Variants in NR1D1 observed in about 807,000 individuals in gnomAD.
The protein encoded by NR1D1 is nuclear receptor subfamily 1 group D member 1, also known as Rev-ErbAalpha.
A neutral mutation model predicts 51.1 loss-of-function variants in NR1D1; 17 were observed. The observed-to-expected ratio is 0.33, with a 90% CI of 0.23 to 0.50. The LOEUF (loss-of-function observed/expected upper bound fraction) is 0.50. Ranked by LOEUF, NR1D1 falls within the 20% of genes least tolerant of loss-of-function variation. The pLI is 0.98. For synonymous variants in NR1D1, 341 were observed against 333.4 expected, an observed-to-expected ratio of 1.02 and a Z score of -0.25; for missense variants, 647 against 830.4, an observed-to-expected ratio of 0.78 and a Z score of 2.71.
intron 1 of NR1D1, among the ~76,000 whole-genome samples, chr17:40,098,444 C>T (rs1440858983): frequency 1.3e-5 from 2 of 152,178 alleles, no homozygotes; most frequent in Non-Finnish European, 2.9e-5. Context: ...AATAGTTGCA[C>T]AACAGATCAG....
rs543106376 is a variant in NR1D1 at position 40,096,966 on chromosome 17, C to T, written c.370+99G>A. The T allele has an allele frequency of 3.0e-6, 4 of 1,311,876 alleles. No homozygotes were observed. In the South Asian group the frequency reaches 5.4e-5, roughly 18 times the overall value. 81.3% of individuals were successfully genotyped at this position (1,311,876 alleles called of 1,614,324 possible). ...CCACTCTAGGAGAAATCCCTGAAGC[C>T]AGAATAGGTCCTGGCAAGACTGGTG... is the stretch of plus-strand genomic sequence containing the variant. On this transcript the variant is annotated intron_variant, in intron 2 of 7. Coordinates refer to ENST00000246672, the MANE Select transcript of NR1D1 (RefSeq NM_021724.5).
At position 40,100,381 on chromosome 17, in the gene NR1D1, G is replaced by C. The variant is rs533405168; in HGVS notation, c.-287C>G. The C allele has an allele frequency of 1.7e-6, 1 of 582,476 alleles. No individual in the cohort carries two copies. The highest frequency in any genetic ancestry group is 2.1e-5 in the South Asian group (1 of 48,200). The allele number at this position is 582,476 out of a possible 1,614,324, so 36.1% of individuals were successfully genotyped here. A position where few individuals can be genotyped will look rare whatever the true frequency, so the allele number is the denominator to read the frequency against. Reference sequence around the variant, plus strand: ...TTCTGGCTAGAAGGTAGCAAGGAGGGTCGGGTCTCTGCAGTGTACGGGGTG... The same window carrying C: ...TTCTGGCTAGAAGGTAGCAAGGAGGCTCGGGTCTCTGCAGTGTACGGGGTG... On this transcript the variant is annotated 5_prime_UTR_variant, in exon 1 of 8. Transcript: ENST00000246672.
rs1987729270 is a variant in NR1D1 at position 40,095,295 on chromosome 17, G to C, written c.1248+149C>G. On this transcript the variant is annotated intron_variant, in intron 5 of 7. Transcript: ENST00000246672. ...GGTGGAGATTAGGGATTCCCAGGCA[G>C]AGTCCAGACTGCAAGGCAAGACATT... The C allele has an allele frequency of 7.6e-6, 9 of 1,179,660 alleles. No individual in the cohort carries two copies. In the South Asian group the frequency reaches 1.3e-4, roughly 17 times the overall value. 73.1% of individuals were successfully genotyped at this position (1,179,660 alleles called of 1,614,324 possible).
Position 40,095,971 on chromosome 17 carries a change from G to C in NR1D1, c.721C>G (p.Pro241Ala), listed in dbSNP as rs1231785117. The change falls in exon 5 of 8, where the codon CCC (proline) becomes GCC (alanine). Residue 241 changes from proline to alanine, a missense_variant. By Grantham distance (27) the Pro-to-Ala change is conservative (BLOSUM62 -1). Around this residue, in one of 7 missense-constraint regions of NR1D1, gnomAD observed 48 missense variants for 42.9 expected, o/e 1.12. Coordinates refer to ENST00000246672, the MANE Select transcript of NR1D1 (RefSeq NM_021724.5). ...GGGCCTGGGGTGGGGTGCTGGGTGG[G>C]TGAAGTCTCCAGCGGGCACTGGCTG... ...LSSQCPLETS[P>A]TQHPTPGPMG... 6.2e-7 allele frequency: 1 copy of C among 1,612,428 alleles called. No individual in the cohort carries two copies. The highest frequency in any genetic ancestry group is 1.7e-5 in the Admixed American group (1 of 59,976).
At chr17:40,098,016 T>C (rs915122636) in intron 1 of NR1D1, among the ~76,000 whole-genome samples, 6 of 152,200 alleles carry the variant, frequency 3.9e-5, no homozygotes, top group Admixed American at 3.9e-4. Context: ...GTGGAGTCTA[T>C]CCCTGTGTCC....
chr17:40,097,336 A>G lies in NR1D1; in HGVS notation c.99T>C (p.Tyr33=), dbSNP rs1255133168. The change falls in exon 2 of 8, where the codon TAT becomes TAC. Residue 33 remains tyrosine (Y), a synonymous_variant. Coordinates refer to ENST00000246672, the MANE Select transcript of NR1D1 (RefSeq NM_021724.5). The part of the protein sequence containing the change: ...SPSRTSPESL[Y]SDNSNGSFQS... ...GGAAGCTGCCATTGGAGTTGTCACT[A>G]TAGAGGGATTCAGGGCTGGTGCGGC... The G allele has an allele frequency of 1.2e-6, 2 of 1,613,878 alleles. No homozygotes were observed. Among genetic ancestry groups the G allele is most frequent in the African/African-American group, 1.3e-5 (1 of 74,836 alleles).
At position 40,095,532 on chromosome 17, in the gene NR1D1, C is replaced by A; in HGVS notation, c.1160G>T (p.Arg387Leu). Residue 387 changes from arginine to leucine, a missense_variant, in exon 5 of 8, where the codon CGT becomes CTT. Physicochemically the swap from Arg to Leu is moderately radical, Grantham distance 102. Coordinates refer to ENST00000246672, the MANE Select transcript of NR1D1 (RefSeq NM_021724.5). ...SCHQSNSNGH[R>L]LCPTHVYAAP... ...TGCATACACGTGGGTGGGGCATAGA[C>A]GGTGCCCGTTGCTGTTGGACTGGTG... The A allele has an allele frequency of 1.2e-6, 2 of 1,600,364 alleles. No homozygotes were observed. The highest frequency in any genetic ancestry group is 1.7e-6 in the Non-Finnish European group (2 of 1,172,368).
chr17:40,095,446 G>T lies in NR1D1; in HGVS notation c.1246C>A (p.Leu416Met), dbSNP rs770746527. 3.1e-5 allele frequency: 48 copies of T among 1,524,358 alleles called. No individual in the cohort carries two copies. Among genetic ancestry groups the T allele is most frequent in the Non-Finnish European group, 3.9e-5 (44 of 1,136,504 alleles). The allele number at this position is 1,524,358 out of a possible 1,614,324, so 94.4% of individuals were successfully genotyped here. ...PRQGNSKNVL[L>M]ACPMNMYPHG... ...CTCGCCCGCCCCCATGCCCTTACCA[G>T]CAGAACATTCTTTGAGTTGCCCTGC... The change falls in exon 5 of 8, where the codon CTG (leucine) becomes ATG (methionine). Residue 416 changes from leucine to methionine, a missense_variant and splice_region_variant. Physicochemically the swap from Leu to Met is conservative, Grantham distance 15. Around this residue, in one of 7 missense-constraint regions of NR1D1, gnomAD observed 185 missense variants for 176.3 expected, o/e 1.05. Coordinates refer to ENST00000246672, the MANE Select transcript of NR1D1 (RefSeq NM_021724.5).
rs769498824 is a variant in NR1D1, at chr17:40,096,030, T to A, written c.662A>T (p.Gln221Leu). The A allele has an allele frequency of 6.2e-7, 1 of 1,612,784 alleles. No homozygotes were observed. Among genetic ancestry groups the A allele is most frequent in the South Asian group, 1.1e-5 (1 of 91,082 alleles). The change falls in exon 5 of 8, where the codon CAG becomes CTG. Residue 221 changes from glutamine (Q) to leucine (L), a missense_variant. This residue lies in a region of NR1D1 where 70 missense variants were observed against 134.8 expected (regional missense o/e 0.52). Transcript: ENST00000246672. Reference sequence around the variant, plus strand: ...GTTGTTGGCCAGGTTCATGGCACTCTGCATCTCAGCAAGCATCCGCTGCTT... The same window carrying A: ...GTTGTTGGCCAGGTTCATGGCACTCAGCATCTCAGCAAGCATCCGCTGCTT... The part of the protein sequence containing the change: ...REKQRMLAEM[Q>L]SAMNLANNQL...
In NR1D1 at chr17:40,096,488, G is replaced by C. The variant is rs778540906; in HGVS notation, c.559C>G (p.Gln187Glu). The C allele has an allele frequency of 6.2e-6, 10 of 1,614,238 alleles. No homozygotes were observed. The highest frequency in any genetic ancestry group is 8.5e-6 in the Non-Finnish European group (10 of 1,180,044). The change falls in exon 4 of 8, where the codon CAA becomes GAA. Residue 187 changes from glutamine to glutamate, a missense_variant. Around this residue, in one of 7 missense-constraint regions of NR1D1, gnomAD observed 70 missense variants for 134.8 expected, o/e 0.52. Coordinates refer to ENST00000246672, the MANE Select transcript of NR1D1 (RefSeq NM_021724.5). ...GAGAGACACTTCTTGAAGCGACATT[G>C]CTGGCAGCGGTTGCGATTGATGCGG... ...IVRINRNRCQ[Q>E]CRFKKCLSVG...
intron 1 of NR1D1, 118 bp from the exon 2 acceptor site, chr17:40,097,521 T>C: frequency 1.3e-6 from 1 of 771,060 alleles, no homozygotes; most frequent in Non-Finnish European, 2.1e-6. Context: ...GTTCACCATG[T>C]GGAGCCCCTA....
Position 40,095,882 on chromosome 17 carries a change from T to C in NR1D1, c.810A>G (p.Pro270=), listed in dbSNP as rs1457934496. Residue 270 remains proline (P), a synonymous_variant, in exon 5 of 8, where the codon CCA becomes CCG. Transcript: ENST00000246672. ...GGGATCTGGGAGGCGTCAGCTGTTGTGGAAACTGGGAGAAGCCCACCAGGG... is the reference window on the plus strand; with the variant it reads ...GGGATCTGGGAGGCGTCAGCTGTTGCGGAAACTGGGAGAAGCCCACCAGGG... ...PSPLVGFSQF[P]QQLTPPRSPS... The C allele has an allele frequency of 6.2e-7, 1 of 1,606,756 alleles. No homozygotes were observed. Among genetic ancestry groups the C allele is most frequent in the East Asian group, 2.2e-5 (1 of 44,604 alleles).
In NR1D1 at chr17:40,095,900, C is replaced by G. The variant is rs1342243658; in HGVS notation, c.792G>C (p.Val264=). The G allele has an allele frequency of 6.2e-7, 1 of 1,612,730 alleles. No individual in the cohort carries two copies. The highest frequency in any genetic ancestry group is 1.7e-5 in the Admixed American group (1 of 59,892). The change falls in exon 5 of 8, where the codon GTG becomes GTC. Residue 264 remains valine (V), a synonymous_variant. Transcript: ENST00000246672. ...GCTGTTGTGGAAACTGGGAGAAGCC[C>G]ACCAGGGGTGAGGGGACCGGAGCAG... is the stretch of plus-strand genomic sequence containing the variant. ...PPPAPVPSPL[V]GFSQFPQQLT... is the part of the protein sequence containing the mutation.
intron 2 of NR1D1, 143 bp from the exon 3 acceptor site, chr17:40,096,922 G>C (rs1987774856): frequency 8.7e-7 from 1 of 1,152,132 alleles, no homozygotes; most frequent in African/African-American, 1.5e-5. Context: ...GACAAAACTG[G>C]GCTGAAGAGG....
chr17:40,097,422 G>A lies in NR1D1; in HGVS notation c.32-19C>T. The A allele has an allele frequency of 6.4e-7, 1 of 1,574,466 alleles. No individual in the cohort carries two copies. The highest frequency in any genetic ancestry group is 8.6e-7 in the Non-Finnish European group (1 of 1,159,808). On this transcript the variant is annotated intron_variant, in intron 1 of 7. Coordinates refer to ENST00000246672, the MANE Select transcript of NR1D1 (RefSeq NM_021724.5). ...ACGCCACCTGGAGAGAGAACAAAAGGAAAGGGGGTGTCAGCCGCCATGTCT... is the reference window on the plus strand; with the variant it reads ...ACGCCACCTGGAGAGAGAACAAAAGAAAAGGGGGTGTCAGCCGCCATGTCT...
chr17:40,100,100 C>T lies in NR1D1; in HGVS notation c.-6G>A, dbSNP rs765672326. The T allele has an allele frequency of 1.2e-6, 2 of 1,609,862 alleles. No homozygotes were observed. Among genetic ancestry groups the T allele is most frequent in the Non-Finnish European group, 1.7e-6 (2 of 1,176,282 alleles). On this transcript the variant is annotated 5_prime_UTR_variant, in exon 1 of 8. The change abolishes the stop of an existing upstream ORF in the 5' untranslated region. Transcript: ENST00000246672. ...TTGGAGTCCAGGGTCGTCATGTCTT[C>T]ACCAGCTGAGAGCGGTCATTCAAAC...
rs1567659529 is a variant in NR1D1, at chr17:40,094,964, C to G, written c.1405G>C (p.Val469Leu). 6.2e-7 allele frequency: 1 copy of G among 1,614,108 alleles called. No individual in the cohort carries two copies. The highest frequency in any genetic ancestry group is 8.5e-7 in the Non-Finnish European group (1 of 1,180,028). ...GFRDLSQHDQVTLLKAGTFEV... is the reference protein window; with the variant it reads ...GFRDLSQHDQLTLLKAGTFEV... Reference sequence around the variant, plus strand: ...AAGGTGCCAGCCTTAAGCAGGGTGACTTGGTCATGCTGAGAAAGGTCACGG... The same window carrying G: ...AAGGTGCCAGCCTTAAGCAGGGTGAGTTGGTCATGCTGAGAAAGGTCACGG... The change falls in exon 6 of 8, where the codon GTC (valine) becomes CTC (leucine). Residue 469 changes from valine to leucine, a missense_variant. This residue lies in a region of NR1D1 where 155 missense variants were observed against 236.8 expected (regional missense o/e 0.65). Transcript: ENST00000246672.
At position 40,095,712 on chromosome 17, in the gene NR1D1, G is replaced by A; in HGVS notation, c.980C>T (p.Thr327Ile). Reference sequence around the variant, plus strand: ...GCCCTGATTTTCCCAGCGATGTGGGGTGGTGGCTGGAGGGCTACCTGATGC... The same window carrying A: ...GCCCTGATTTTCCCAGCGATGTGGGATGGTGGCTGGAGGGCTACCTGATGC... ...NHASGSPPAT[T>I]PHRWENQGCP... is the part of the protein sequence containing the mutation. The change falls in exon 5 of 8, where the codon ACC becomes ATC. Residue 327 changes from threonine (T) to isoleucine (I), a missense_variant. Thr to Ile is a moderately conservative substitution (Grantham distance 89). Around this residue, in one of 7 missense-constraint regions of NR1D1, gnomAD observed 185 missense variants for 176.3 expected, o/e 1.05. Coordinates refer to ENST00000246672, the MANE Select transcript of NR1D1 (RefSeq NM_021724.5). 1 of 1,613,726 alleles carries A rather than the reference G, an allele frequency of 6.2e-7. No homozygotes were observed. The highest frequency in any genetic ancestry group is 8.5e-7 in the Non-Finnish European group (1 of 1,179,698).
intron 1 of NR1D1, among the ~76,000 whole-genome samples, chr17:40,099,862 G>A (rs1397740788): frequency 1.3e-5 from 2 of 152,084 alleles, no homozygotes; most frequent in Non-Finnish European, 2.9e-5. Flanking sequence ...GACTCTGAGG[G>A]GTGGTGATGG....
Sources: gnomAD v4.1 joint callset for allele counts (sites outside exome capture counted in the v4.1 genomes callset) on GRCh38, gnomAD v4.1.1 for gene constraint, gnomAD v4.1.1 regional missense constraint, MANE v1.5 for transcripts, NCBI Gene and HGNC (gene_info 2026-07-23, HGNC 2026-07-21) for gene names.